The following TTC7B variants were observed in gnomAD, a reference collection of about 807,000 sequenced individuals.
TTC7B encodes the protein tetratricopeptide repeat protein 7B.
In TTC7B, 28 loss-of-function variants were observed where a neutral mutation model predicts 106.8. The observed-to-expected ratio is 0.26, with a 90% CI of 0.19 to 0.36. TTC7B has a LOEUF of 0.36. TTC7B is among the 10% of genes least tolerant of loss of function. The pLI, the probability that TTC7B is intolerant of heterozygous loss-of-function variation, is 1.00. For missense variants in TTC7B, 862 were observed against 1,076.4 expected (o/e 0.80, Z 2.79); for synonymous variants, 405 against 430.6 (o/e 0.94, Z 0.74).
intron 3 of TTC7B, among the ~76,000 whole-genome samples, chr14:90,749,276 A>G (rs950819540): frequency 5.3e-5 from 8 of 152,004 alleles, no homozygotes; most frequent in Admixed American, 1.3e-4. Flanking sequence ...ACATCCAGCC[A>G]TTTTATCTTC....
intron 17 of TTC7B, chr14:90,603,361 C>A: frequency 8.4e-7 from 1 of 1,189,382 alleles, no homozygotes; most frequent in South Asian, 1.3e-5. Context: ...TTTGAAAAAT[C>A]AAAATTAAGA....
intron 5 of TTC7B, among the ~76,000 whole-genome samples, chr14:90,719,221 C>T (rs1046935929): frequency 5.1e-4 from 77 of 152,142 alleles, no homozygotes; most frequent in African/African-American, 1.8e-3. Context: ...CTGCAGTGGG[C>T]CGTGACTGCA....
chr14:90,592,525 A>G (rs767038414), intron 18 of TTC7B, among the ~76,000 whole-genome samples: 2 of 152,214 alleles, frequency 1.3e-5, no homozygotes, highest in South Asian at 2.1e-4. Context: ...CCTGGCCAAG[A>G]TGGTGAAACC....
intron 19 of TTC7B, among the ~76,000 whole-genome samples, chr14:90,576,198 T>C (rs1454966700): frequency 6.6e-6 from 1 of 151,632 alleles, no homozygotes; most frequent in Non-Finnish European, 1.5e-5. Flanking sequence ...GTCCCCGAGA[T>C]GGAAACATGC....
At chr14:90,722,853 C>T (rs73330730) in intron 5 of TTC7B, among the ~76,000 whole-genome samples, 13,957 of 152,198 alleles carry the variant, frequency 0.092, 1,666 homozygotes, top group African/African-American at 0.28. Context: ...TTCCCTTCCA[C>T]CTCTGGCAGT....
chr14:90,612,390 C>T (rs564069060), intron 16 of TTC7B, among the ~76,000 whole-genome samples: 1 of 152,160 alleles, frequency 6.6e-6, no homozygotes, highest in Non-Finnish European at 1.5e-5. Context: ...TATTGCAATG[C>T]CCCTCCACTT....
chr14:90,610,789 C>T lies in TTC7B; in HGVS notation c.1919G>A (p.Arg640Gln). Residue 640 changes from arginine (R) to glutamine (Q), a missense_variant, in exon 17 of 20, where the codon CGA becomes CAA. Coordinates refer to ENST00000328459, the MANE Select transcript of TTC7B (RefSeq NM_001010854.2). ...SLLDRTIADR[R>Q]QLNTITLPDF... ...TGGCAAAGTAATTGTATTAAGCTGT[C>T]GTCTGTCAGCAATGGTTCTATCTAA... The T allele has an allele frequency of 3.1e-6, 5 of 1,613,986 alleles. No individual in the cohort carries two copies. The highest frequency in any genetic ancestry group is 1.1e-5 in the South Asian group (1 of 91,060).
At chr14:90,686,076 T>G (rs999923913) in intron 7 of TTC7B, among the ~76,000 whole-genome samples, 6 of 152,204 alleles carry the variant, frequency 3.9e-5, no homozygotes, top group African/African-American at 1.4e-4. Flanking sequence ...TTTATAAATA[T>G]AGATGTAAAA....
Position 90,807,695 on chromosome 14 carries a change from C to T in TTC7B, c.121+8480G>A, listed in dbSNP as rs972726386. ...AGGCTCCCACACTTGCCTACTCAAA[C>T]TAACTGAGGCTGTTTACAAATGTAG... On this transcript the variant is annotated intron_variant, in intron 1 of 19. Coordinates refer to ENST00000328459, the MANE Select transcript of TTC7B (RefSeq NM_001010854.2). The surrounding 1 kb of genome is among the most constrained non-coding windows in gnomAD (Gnocchi z 4.1). 3.3e-5 allele frequency among the ~76,000 whole-genome samples: 5 copies of T among 152,384 alleles called. No individual in the cohort carries two copies. Among genetic ancestry groups the T allele is most frequent in the African/African-American group, 1.2e-4 (5 of 41,590 alleles).
intron 7 of TTC7B, among the ~76,000 whole-genome samples, chr14:90,688,219 G>T (rs1365706113): frequency 6.6e-6 from 1 of 152,232 alleles, no homozygotes; most frequent in Non-Finnish European, 1.5e-5. Flanking sequence ...GGCCAGAGTG[G>T]TGGCTCATGC....
intron 1 of TTC7B, among the ~76,000 whole-genome samples, chr14:90,812,835 T>C (rs1246067738): frequency 1.3e-5 from 2 of 152,204 alleles, no homozygotes; most frequent in Non-Finnish European, 2.9e-5. Flanking sequence ...TGGCAAAACA[T>C]CTAAACCAAT....
At chr14:90,730,791 C>T (rs1359177469) in intron 4 of TTC7B, among the ~76,000 whole-genome samples, 1 of 152,174 alleles carries the variant, frequency 6.6e-6, no homozygotes, top group Non-Finnish European at 1.5e-5. Context: ...GAGAGCTGAG[C>T]AAAACACCCT....
At chr14:90,777,538 G>A (rs190010852) in intron 3 of TTC7B, among the ~76,000 whole-genome samples, 1 of 152,232 alleles carries the variant, frequency 6.6e-6, no homozygotes, top group East Asian at 1.9e-4. Context: ...GAAAACCCTG[G>A]CCAACTCAGA....
chr14:90,720,380 T>C (rs1888846987), intron 5 of TTC7B, among the ~76,000 whole-genome samples: 1 of 152,210 alleles, frequency 6.6e-6, no homozygotes, highest in South Asian at 2.1e-4. Context: ...CTGATTTCTC[T>C]CTGACAGCAA....
At chr14:90,542,985 C>T (rs1034525433) in intron 19 of TTC7B, among the ~76,000 whole-genome samples, 7 of 152,180 alleles carry the variant, frequency 4.6e-5, no homozygotes, top group Admixed American at 2.6e-4. Context: ...GGTCACCTAC[C>T]CCCTTCTATC....
At chr14:90,768,981 T>C (rs1188153316) in intron 3 of TTC7B, among the ~76,000 whole-genome samples, 1 of 152,254 alleles carries the variant, frequency 6.6e-6, no homozygotes, top group African/African-American at 2.4e-5. Flanking sequence ...AAAGAATTAT[T>C]AGCTTATGTT....
At chr14:90,558,568 T>C (rs190857123) in intron 19 of TTC7B, among the ~76,000 whole-genome samples, 2 of 152,342 alleles carry the variant, frequency 1.3e-5, no homozygotes, top group African/African-American at 4.8e-5. Flanking sequence ...CATTTTTAAA[T>C]AGGAACAAAC....
intron 6 of TTC7B, among the ~76,000 whole-genome samples, chr14:90,694,466 T>G (rs575894055): frequency 6.6e-6 from 1 of 151,942 alleles, no homozygotes; most frequent in African/African-American, 2.4e-5. Context: ...CTAAAAACTT[T>G]AAATGAGTAA....
intron 19 of TTC7B, among the ~76,000 whole-genome samples, chr14:90,556,580 C>A (rs1356021737): frequency 6.6e-6 from 1 of 152,184 alleles, no homozygotes; most frequent in African/African-American, 2.4e-5. Context: ...TCTTCCCCAA[C>A]AAGAAGTCAG....
Sources: allele counts gnomAD v4.1 joint callset (sites outside exome capture counted in the v4.1 genomes callset), GRCh38; gene constraint gnomAD v4.1.1; non-coding constraint Gnocchi (gnomAD v3.1); transcripts MANE v1.5; gene names NCBI Gene and HGNC (gene_info 2026-07-23, HGNC 2026-07-21).